The following GRIK1 variants were observed in gnomAD, a reference collection of about 807,000 sequenced individuals.
GRIK1 encodes the protein glutamate ionotropic receptor kainate type subunit 1, also known as glutamate receptor ionotropic, kainate 1.
A neutral mutation model predicts 105.7 loss-of-function variants in GRIK1; 69 were observed. That is an observed-to-expected ratio of 0.65 (90% confidence interval 0.54 to 0.80). The LOEUF is 0.80. GRIK1 is among the 30% of genes least tolerant of loss of function. The pLI, the probability that GRIK1 is intolerant of heterozygous loss-of-function variation, is 0.00. For synonymous variants in GRIK1, 438 were observed against 431.3 expected (o/e 1.02, Z -0.19); for missense variants, 1,109 against 1,167.3 (o/e 0.95, Z 0.73).
At chr21:29,690,905 C>T (rs1377706940) in intron 2 of GRIK1, among the ~76,000 whole-genome samples, 1 of 152,060 alleles carries the variant, frequency 6.6e-6, no homozygotes, top group East Asian at 1.9e-4. Flanking sequence ...TGACATATTA[C>T]TTTCTTTAAC....
At chr21:29,679,091 A>G (rs967325919) in intron 3 of GRIK1, among the ~76,000 whole-genome samples, 52 of 152,190 alleles carry the variant, frequency 3.4e-4, no homozygotes, top group Non-Finnish European at 6.6e-4. Context: ...TTAATCATCT[A>G]TTTAGGACAG....
Position 29,634,217 on chromosome 21 carries a change from A to G in GRIK1, c.1098+8609T>C, listed in dbSNP as rs147977481. Among the ~76,000 whole-genome samples, 853 of 152,304 alleles carry G rather than the reference A, an allele frequency of 5.6e-3. 34 individuals are homozygous for G. The highest frequency in any genetic ancestry group is 0.051 in the Admixed American group (785 of 15,300). ...GCCTAAATGAATAATTTTATTTTTT[A>G]CTCTTTGATTTTTAAAAGCTTGAAT... On this transcript the variant is annotated intron_variant, in intron 7 of 17. Transcript: ENST00000327783.
intron 1 of GRIK1, among the ~76,000 whole-genome samples, chr21:29,877,749 C>T (rs371349860): frequency 1.2e-4 from 18 of 152,036 alleles, no homozygotes; most frequent in South Asian, 2.1e-4. Flanking sequence ...TATTTTGTGG[C>T]GGTGTCTCAG....
intron 1 of GRIK1, among the ~76,000 whole-genome samples, chr21:29,805,146 A>AC (rs905761859): frequency 6.6e-6 from 1 of 151,644 alleles, no homozygotes; most frequent in South Asian, 2.1e-4. Context: ...CCACCCCTCC[A>AC]CCCCCTGCAG....
intron 1 of GRIK1, among the ~76,000 whole-genome samples, chr21:29,888,839 T>A (rs996406261): frequency 6.6e-6 from 1 of 151,154 alleles, no homozygotes; most frequent in African/African-American, 2.4e-5. Flanking sequence ...ATTAGAGGAG[T>A]TTTTTTTTCC....
chr21:29,583,104 C>T (rs1232579963), intron 12 of GRIK1, among the ~76,000 whole-genome samples: 2 of 152,132 alleles, frequency 1.3e-5, no homozygotes, highest in African/African-American at 4.8e-5. Context: ...GTAGTTTATG[C>T]CAGCATAATG....
At chr21:29,630,468 G>A in intron 7 of GRIK1, 2 of 470,776 alleles carry the variant, frequency 4.2e-6, no homozygotes, top group Non-Finnish European at 8.8e-6. Flanking sequence ...GGGGAGGGCT[G>A]ACCTAATCAA....
intron 7 of GRIK1, among the ~76,000 whole-genome samples, chr21:29,616,740 T>G (rs1345116585): frequency 6.6e-6 from 1 of 152,248 alleles, no homozygotes; most frequent in African/African-American, 2.4e-5. Flanking sequence ...GTTATTTGAC[T>G]TAATGATGTT....
Position 29,598,896 on chromosome 21 carries a change from T to C in GRIK1, c.1140A>G (p.Lys380=). The C allele has an allele frequency of 6.3e-7, 1 of 1,599,514 alleles. No individual in the cohort carries two copies. The highest frequency in any genetic ancestry group is 1.1e-5 in the South Asian group (1 of 89,656). ...CAAAATCCTTCCTCAAGCCATTGGT[T>C]TTATTAAAGGTGATATGCCCAGTCA... ...DGLTGHITFN[K]TNGLRKDFDL... is the part of the protein sequence containing the mutation. Residue 380 remains lysine, a synonymous_variant, in exon 8 of 18, where the codon AAA becomes AAG. Transcript: ENST00000327783.
intron 14 of GRIK1, among the ~76,000 whole-genome samples, chr21:29,567,147 A>G (rs2146200169): frequency 6.6e-6 from 1 of 152,290 alleles, no homozygotes; most frequent in South Asian, 2.1e-4. Flanking sequence ...AAAAAATGTG[A>G]CTTGTTTATA....
chr21:29,782,604 G>A (rs539364815), intron 1 of GRIK1, among the ~76,000 whole-genome samples: 34 of 152,276 alleles, frequency 2.2e-4, no homozygotes, highest in African/African-American at 8.2e-4. Context: ...CAGAGAGACA[G>A]GGGCCTGGAT....
intron 12 of GRIK1, among the ~76,000 whole-genome samples, chr21:29,585,187 C>A (rs2253443): frequency 0.29 from 44,665 of 151,750 alleles, 7,038 homozygotes; most frequent in African/African-American, 0.41. Context: ...GTGAGTAGAA[C>A]TACTGAATGG....
intron 1 of GRIK1, among the ~76,000 whole-genome samples, chr21:29,696,807 A>T (rs1464089128): frequency 6.6e-6 from 1 of 152,210 alleles, no homozygotes; most frequent in Non-Finnish European, 1.5e-5. Context: ...GAGCACCATT[A>T]ATCTGTGCAG....
intron 1 of GRIK1, among the ~76,000 whole-genome samples, chr21:29,867,893 AG>A (rs1439838806): frequency 1.6e-5 from 2 of 125,800 alleles, no homozygotes; most frequent in African/African-American, 3.5e-5. Context: ...AGAAAGAGAG[AG>A]AGAGAGAGAA....
At chr21:29,725,363 A>G (rs2064431151) in intron 1 of GRIK1, among the ~76,000 whole-genome samples, 1 of 152,184 alleles carries the variant, frequency 6.6e-6, no homozygotes, top group South Asian at 2.1e-4. Context: ...TTAAACTTTC[A>G]GGTGTCTTCC....
Position 29,560,384 on chromosome 21 carries a change from C to T in GRIK1, c.2356+1240G>A, listed in dbSNP as rs7510489. Among the ~76,000 whole-genome samples the T allele has an allele frequency of 4.9e-3, 248 of 50,958 alleles. 9 individuals are homozygous for T. Among genetic ancestry groups the T allele is most frequent in the Admixed American group, 9.7e-3 (41 of 4,222 alleles). 33.4% of individuals were successfully genotyped at this position (50,958 alleles called of 152,430 possible). A position where few individuals can be genotyped will look rare whatever the true frequency, so the allele number is the denominator to read the frequency against. ...TTCTTTCTTCCTTCCTTCCTTCCTT[C>T]CTTCCTTCCTTCCTTCCTTTCTTTC... On this transcript the variant is annotated intron_variant, in intron 15 of 17. Coordinates refer to ENST00000327783, the MANE Select transcript of GRIK1 (RefSeq NM_001330994.2).
rs539327767 is a variant in GRIK1, at chr21:29,673,102, G to A, written c.607C>T (p.Arg203Cys). Reference sequence around the variant, plus strand: ...TCTTTATTCCCAGAGGGCAGCTGGCGGATTTTGATTTTAATATTATATCTG... The same window carrying A: ...TCTTTATTCCCAGAGGGCAGCTGGCAGATTTTGATTTTAATATTATATCTG... ...PSRYNIKIKI[R>C]QLPSGNKDAK... The change falls in exon 4 of 18, where the codon CGC (arginine) becomes TGC (cysteine). Residue 203 changes from arginine to cysteine, a missense_variant. Transcript: ENST00000327783. The A allele has an allele frequency of 2.7e-5, 44 of 1,612,202 alleles. No individual in the cohort carries two copies. Among genetic ancestry groups the A allele is most frequent in the Non-Finnish European group, 3.2e-5 (38 of 1,178,400 alleles).
At chr21:29,854,376 G>A (rs1002239192) in intron 1 of GRIK1, among the ~76,000 whole-genome samples, 1 of 152,080 alleles carries the variant, frequency 6.6e-6, no homozygotes, top group African/African-American at 2.4e-5. Flanking sequence ...TTTGGGATCA[G>A]ACTTCAACAT....
At chr21:29,554,536 C>CA (rs928990175) in intron 16 of GRIK1, among the ~76,000 whole-genome samples, 13 of 150,260 alleles carry the variant, frequency 8.7e-5, no homozygotes, top group East Asian at 7.8e-4. Flanking sequence ...ACATTCCTGG[C>CA]AAAAAAAAAT....
Sources: allele counts gnomAD v4.1 joint callset (sites outside exome capture counted in the v4.1 genomes callset), GRCh38; gene constraint gnomAD v4.1.1; transcripts MANE v1.5; gene names NCBI Gene and HGNC (gene_info 2026-07-23, HGNC 2026-07-21).